ALG6: variants seen among roughly 807,000 people sequenced by gnomAD.
The protein encoded by ALG6 is dolichyl pyrophosphate Man9GlcNAc2 alpha-1,3-glucosyltransferase.
In ALG6, 46 loss-of-function variants were observed where a neutral mutation model predicts 66.6. The observed-to-expected ratio is 0.69, with a 90% CI of 0.55 to 0.88. The LOEUF is 0.88. ALG6 is among the 40% of genes least tolerant of loss of function. The pLI, the probability that ALG6 is intolerant of heterozygous loss-of-function variation, is 0.00. For synonymous variants in ALG6, 185 were observed against 203.7 expected (o/e 0.91, Z 0.78); for missense variants, 505 against 586.8 (o/e 0.86, Z 1.44).
intron 2 of ALG6, 32 bp from the exon 3 acceptor site, chr1:63,396,481 T>C: frequency 6.4e-7 from 1 of 1,560,574 alleles, no homozygotes; most frequent in Non-Finnish European, 8.8e-7. Flanking sequence ...TAAAGTACAT[T>C]GTTGTTTTGC....
chr1:63,401,025 TC>T (rs564529635), intron 3 of ALG6, among the ~76,000 whole-genome samples: 56 of 152,212 alleles, frequency 3.7e-4, no homozygotes, highest in African/African-American at 1.3e-3. Flanking sequence ...CAAAAGGGGC[TC>T]CAACTAACCC....
intron 7 of ALG6, among the ~76,000 whole-genome samples, chr1:63,409,904 A>G (rs1406387551): frequency 6.6e-6 from 1 of 152,178 alleles, no homozygotes; most frequent in Non-Finnish European, 1.5e-5. Context: ...TCATTTCTTC[A>G]GAAAAATATG....
At chr1:63,368,319 T>C (rs1035628027) in intron 1 of ALG6, among the ~76,000 whole-genome samples, 2 of 152,072 alleles carry the variant, frequency 1.3e-5, no homozygotes, top group Non-Finnish European at 2.9e-5. Context: ...TCAGTAAAAT[T>C]AGGGTACCTC....
chr1:63,378,093 T>G (rs1315952303), intron 2 of ALG6, among the ~76,000 whole-genome samples: 5 of 152,318 alleles, frequency 3.3e-5, no homozygotes, highest in Admixed American at 6.5e-5. Flanking sequence ...TCACCCTTCT[T>G]ACATATTGTA....
intron 2 of ALG6, among the ~76,000 whole-genome samples, chr1:63,385,360 C>T (rs549610779): frequency 1.2e-4 from 18 of 151,492 alleles, no homozygotes; most frequent in South Asian, 4.2e-4. Flanking sequence ...CCACCATGCC[C>T]GACAAATTTT....
intron 3 of ALG6, among the ~76,000 whole-genome samples, chr1:63,397,028 A>G (rs942162713): frequency 2.6e-5 from 4 of 152,126 alleles, no homozygotes; most frequent in Non-Finnish European, 5.9e-5. Flanking sequence ...AAGGGGACCA[A>G]AGGGAGAAGC....
chr1:63,382,474 A>G (rs1262324798), intron 2 of ALG6, among the ~76,000 whole-genome samples: 1 of 151,162 alleles, frequency 6.6e-6, no homozygotes, highest in Admixed American at 6.6e-5. Context: ...CTGATTATTT[A>G]TTATTTATTA....
At chr1:63,394,283 T>C (rs949479512) in intron 2 of ALG6, among the ~76,000 whole-genome samples, 10 of 152,222 alleles carry the variant, frequency 6.6e-5, no homozygotes, top group Non-Finnish European at 1.0e-4. Flanking sequence ...CTGTACCTCT[T>C]TGGGCCTTCT....
chr1:63,422,241 A>G (rs866277822), intron 12 of ALG6, among the ~76,000 whole-genome samples: 1 of 45,638 alleles, frequency 2.2e-5, no homozygotes, highest in Non-Finnish European at 3.7e-5. Context: ...AAATATATAT[A>G]TAAATATATA....
At chr1:63,393,225 G>A (rs948420215) in intron 2 of ALG6, among the ~76,000 whole-genome samples, 3 of 151,936 alleles carry the variant, frequency 2.0e-5, no homozygotes, top group African/African-American at 4.8e-5. Context: ...CCCCAATCCC[G>A]CCACCCAGCC....
Position 63,396,528 on chromosome 1 carries a change from C to G in ALG6, c.98C>G (p.Pro33Arg). ...TTGATCTTAGGTGCTGGTAAACCGC[C>G]TATGTTTGGTGATTATGAAGCTCAG... ...LNSYSGAGKP[P>R]MFGDYEAQRH... The change falls in exon 3 of 15, where the codon CCT (proline) becomes CGT (arginine). Residue 33 changes from proline to arginine, a missense_variant. Pro to Arg is a moderately radical substitution (Grantham distance 103). Transcript: ENST00000263440. 1 of 1,613,942 alleles carries G rather than the reference C, an allele frequency of 6.2e-7. No individual in the cohort carries two copies. The highest frequency in any genetic ancestry group is 8.5e-7 in the Non-Finnish European group (1 of 1,179,968).
intron 14 of ALG6, 48 bp downstream of exon 14, chr1:63,429,174 T>C (rs750313326): frequency 1.2e-5 from 17 of 1,360,712 alleles, no homozygotes; most frequent in Non-Finnish European, 1.7e-5. Context: ...ATGTCACTAT[T>C]TTAAAAAATT....
chr1:63,409,767 C>CTATA (rs1485220197), intron 7 of ALG6, among the ~76,000 whole-genome samples: 1 of 152,034 alleles, frequency 6.6e-6, no homozygotes, highest in Non-Finnish European at 1.5e-5. Flanking sequence ...CATATGACTT[C>CTATA]TATATATCAT....
At chr1:63,413,543 AGGAGAGCTG>A in intron 9 of ALG6, 31 of 152,952 alleles carry the variant, frequency 2.0e-4, no homozygotes, top group South Asian at 8.2e-4. Context: ...TTTCACCACC[AGGAGAGCTG>A]TAGTTACAAA....
chr1:63,386,647 A>G (rs930992832), intron 2 of ALG6, among the ~76,000 whole-genome samples: 3 of 151,926 alleles, frequency 2.0e-5, no homozygotes, highest in African/African-American at 4.8e-5. Flanking sequence ...TTTCTGCAGT[A>G]TTGGTTGTAA....
chr1:63,367,947 C>A (rs1008279814), intron 1 of ALG6, among the ~76,000 whole-genome samples: 1 of 152,106 alleles, frequency 6.6e-6, no homozygotes, highest in African/African-American at 2.4e-5. Flanking sequence ...GAGGGCCTGG[C>A]CCTCAAGAGG....
intron 2 of ALG6, among the ~76,000 whole-genome samples, chr1:63,387,749 C>T (rs1648547185): frequency 6.6e-6 from 1 of 151,838 alleles, no homozygotes; most frequent in African/African-American, 2.4e-5. Flanking sequence ...GCCGTGTTGG[C>T]CAGGCTGGTC....
intron 14 of ALG6, among the ~76,000 whole-genome samples, chr1:63,430,033 C>T (rs1181990424): frequency 1.3e-5 from 2 of 152,068 alleles, no homozygotes; most frequent in Admixed American, 6.5e-5. Flanking sequence ...CAGGCATGCG[C>T]CACCATGCCC....
intron 1 of ALG6, among the ~76,000 whole-genome samples, 157 bp downstream of exon 1, chr1:63,367,844 G>T (rs1647776405): frequency 6.6e-6 from 1 of 152,212 alleles, no homozygotes; most frequent in South Asian, 2.1e-4. Flanking sequence ...AGCCCTTCCT[G>T]CAGGGTCGCT....
Sources: allele counts gnomAD v4.1 joint callset (sites outside exome capture counted in the v4.1 genomes callset), GRCh38; gene constraint gnomAD v4.1.1; transcripts MANE v1.5; gene names NCBI Gene and HGNC (gene_info 2026-07-23, HGNC 2026-07-21).